The following KCNJ3 variants were observed in gnomAD, a reference collection of about 807,000 sequenced individuals.
KCNJ3 encodes the protein potassium inwardly rectifying channel subfamily J member 3.
In KCNJ3, 4 loss-of-function variants were observed where a neutral mutation model predicts 39.2. The ratio of observed to expected loss-of-function variants is 0.10; its 90% CI spans 0.05 to 0.23. The LOEUF (loss-of-function observed/expected upper bound fraction) is 0.23. Among genes scored for constraint, KCNJ3 ranks in the 10% least tolerant of loss-of-function variants. The pLI is 1.00. For missense variants in KCNJ3, 276 were observed against 634.9 expected (o/e 0.43, Z 6.08); for synonymous variants, 230 against 237.4 (o/e 0.97, Z 0.29).
At chr2:154,740,725 C>A (rs1485300994) in intron 2 of KCNJ3, among the ~76,000 whole-genome samples, 1 of 151,668 alleles carries the variant, frequency 6.6e-6, no homozygotes, top group Non-Finnish European at 1.5e-5. Flanking sequence ...TTTATATAAT[C>A]AAAAAAATGA....
At chr2:154,813,665 T>C (rs1210907242) in intron 2 of KCNJ3, among the ~76,000 whole-genome samples, 3 of 152,204 alleles carry the variant, frequency 2.0e-5, no homozygotes, top group Admixed American at 1.3e-4. Context: ...GTAAAATATG[T>C]AATATAAATT....
intron 2 of KCNJ3, among the ~76,000 whole-genome samples, chr2:154,731,749 C>T (rs1685452260): frequency 6.6e-6 from 1 of 151,276 alleles, no homozygotes; most frequent in Non-Finnish European, 1.5e-5. Context: ...GTATTCAGTA[C>T]TTTTTCAAAT....
chr2:154,849,270 G>A (rs1322441121), intron 2 of KCNJ3, among the ~76,000 whole-genome samples: 1 of 152,152 alleles, frequency 6.6e-6, no homozygotes, highest in African/African-American at 2.4e-5. Flanking sequence ...TAATCCTATA[G>A]AGATATTATT....
chr2:154,848,670 C>T (rs1229199233), intron 2 of KCNJ3, among the ~76,000 whole-genome samples: 1 of 152,068 alleles, frequency 6.6e-6, no homozygotes, highest in African/African-American at 2.4e-5. Flanking sequence ...TTCCAATTAT[C>T]CTAGAATATA....
intron 2 of KCNJ3, among the ~76,000 whole-genome samples, chr2:154,817,399 A>G (rs947352715): frequency 6.6e-6 from 1 of 152,262 alleles, no homozygotes; most frequent in Non-Finnish European, 1.5e-5. Context: ...TTAGAGCTGG[A>G]GTTAGCTTTT....
intron 2 of KCNJ3, among the ~76,000 whole-genome samples, chr2:154,840,029 G>A (rs534648132): frequency 7.0e-4 from 106 of 152,208 alleles, no homozygotes; most frequent in African/African-American, 2.2e-3. Context: ...TGTCCTGAAT[G>A]GTATTGCCTA....
chr2:154,837,577 C>G (rs1442726380), intron 2 of KCNJ3, among the ~76,000 whole-genome samples: 1 of 152,100 alleles, frequency 6.6e-6, no homozygotes, highest in African/African-American at 2.4e-5. Flanking sequence ...TTCACCTGTG[C>G]TAACATTTTT....
chr2:154,765,959 G>A (rs1472852072), intron 2 of KCNJ3, among the ~76,000 whole-genome samples: 1 of 152,166 alleles, frequency 6.6e-6, no homozygotes, highest in African/African-American at 2.4e-5. Flanking sequence ...TAAGATTCCA[G>A]AAACGGTGTG....
intron 2 of KCNJ3, among the ~76,000 whole-genome samples, chr2:154,829,285 G>A (rs546034867): frequency 3.2e-4 from 48 of 152,078 alleles, no homozygotes; most frequent in African/African-American, 1.1e-3. Context: ...CCTCCCAGCC[G>A]CTACCCTCAA....
In KCNJ3 at chr2:154,856,841, T is replaced by G. The variant is rs889040625; in HGVS notation, c.*1528T>G. The G allele has an allele frequency of 6.6e-6, 1 of 152,196 alleles. No homozygotes were observed. Among genetic ancestry groups the G allele is most frequent in the African/African-American group, 2.4e-5 (1 of 41,452 alleles). The allele number at this position is 152,196 out of a possible 1,614,324, so 9.4% of individuals were successfully genotyped here. ...TTTTATGAAAATTTAAAAGTGCTCCTTAACAGAATATCATGGGTTTTCCTA... is the reference window on the plus strand; with the variant it reads ...TTTTATGAAAATTTAAAAGTGCTCCGTAACAGAATATCATGGGTTTTCCTA... On this transcript the variant is annotated 3_prime_UTR_variant, in exon 3 of 3. Transcript: ENST00000295101.
At chr2:154,809,374 G>A (rs745313334) in intron 2 of KCNJ3, among the ~76,000 whole-genome samples, 19 of 152,178 alleles carry the variant, frequency 1.2e-4, no homozygotes, top group Admixed American at 7.9e-4. Context: ...ACTGAGAAGA[G>A]CAGTGAATGA....
intron 2 of KCNJ3, among the ~76,000 whole-genome samples, chr2:154,851,757 T>A (rs547204528): frequency 1.3e-5 from 2 of 152,314 alleles, no homozygotes; most frequent in Non-Finnish European, 2.9e-5. Context: ...ACAAGTATTT[T>A]AATGCCAACA....
At chr2:154,848,678 A>G (rs894566633) in intron 2 of KCNJ3, among the ~76,000 whole-genome samples, 1 of 152,178 alleles carries the variant, frequency 6.6e-6, no homozygotes, top group Non-Finnish European at 1.5e-5. Flanking sequence ...ATCCTAGAAT[A>G]TAAGTACTAT....
chr2:154,736,187 T>G (rs1445896829), intron 2 of KCNJ3, among the ~76,000 whole-genome samples: 2 of 151,888 alleles, frequency 1.3e-5, no homozygotes, highest in African/African-American at 4.8e-5. Flanking sequence ...TCTAAGTTTG[T>G]CATACATTGA....
At chr2:154,835,157 T>G (rs1348163481) in intron 2 of KCNJ3, among the ~76,000 whole-genome samples, 1 of 151,978 alleles carries the variant, frequency 6.6e-6, no homozygotes, top group Admixed American at 6.6e-5. Flanking sequence ...AATCAGTCAT[T>G]ACTTCATTAA....
chr2:154,818,040 ATG>A (rs1170749239), intron 2 of KCNJ3, among the ~76,000 whole-genome samples: 3 of 152,168 alleles, frequency 2.0e-5, no homozygotes, highest in African/African-American at 7.2e-5. Context: ...TATGAAAATC[ATG>A]AGCCACACTT....
chr2:154,727,581 G>A (rs1324411725), intron 2 of KCNJ3, among the ~76,000 whole-genome samples: 3 of 92,146 alleles, frequency 3.3e-5, no homozygotes, highest in East Asian at 2.9e-4. Flanking sequence ...AAGCAAGAGC[G>A]AAACTCCGTC....
At chr2:154,837,391 A>AACTG (rs1687488181) in intron 2 of KCNJ3, among the ~76,000 whole-genome samples, 1 of 151,970 alleles carries the variant, frequency 6.6e-6, no homozygotes, top group Admixed American at 6.6e-5. Context: ...TCATGAGTTG[A>AACTG]ATTAACATAT....
chr2:154,835,335 ATTTTC>A (rs941344250), intron 2 of KCNJ3, among the ~76,000 whole-genome samples: 4 of 140,168 alleles, frequency 2.9e-5, no homozygotes, highest in Non-Finnish European at 4.7e-5. Flanking sequence ...ACAATAAATT[ATTTTC>A]TTTTTTTTGT....
Sources: gnomAD v4.1 joint callset for allele counts (sites outside exome capture counted in the v4.1 genomes callset) on GRCh38, gnomAD v4.1.1 for gene constraint, MANE v1.5 for transcripts, NCBI Gene and HGNC (gene_info 2026-07-23, HGNC 2026-07-21) for gene names.